GRPEL2: variants seen among roughly 807,000 people sequenced by gnomAD.
GRPEL2 encodes the protein grpE protein homolog 2, mitochondrial.
In GRPEL2, 18 loss-of-function variants were observed where a neutral mutation model predicts 25.9. The ratio of observed to expected loss-of-function variants is 0.70; its 90% CI spans 0.48 to 1.03. The LOEUF is 1.03. GRPEL2 is among the 50% of genes least tolerant of loss of function. The pLI is 0.00. For missense variants in GRPEL2, 247 were observed against 276.2 expected (o/e 0.89, Z 0.75); for synonymous variants, 106 against 107.9 (o/e 0.98, Z 0.11).
At position 149,351,303 on chromosome 5, in the gene GRPEL2, T is replaced by C; in HGVS notation, c.*21T>C. ...TGTGAAGAGGCCATCAGGAACTGGA[T>C]GTTCTCCCAGAGCGCAGTCACCTAT... On this transcript the variant is annotated 3_prime_UTR_variant, in exon 4 of 4. Transcript: ENST00000329271. 1 of 1,589,662 alleles carries C rather than the reference T, an allele frequency of 6.3e-7. No individual in the cohort carries two copies. Among genetic ancestry groups the C allele is most frequent in the Non-Finnish European group, 8.6e-7 (1 of 1,165,184 alleles).
intron 1 of GRPEL2, 57 bp downstream of exon 1, chr5:149,345,673 A>T (rs1581356315): frequency 7.6e-6 from 11 of 1,449,296 alleles, no homozygotes; most frequent in South Asian, 1.2e-5. Context: ...CTAGCGAGCC[A>T]GCCGGGGTGG....
At position 149,351,498 on chromosome 5, in the gene GRPEL2, G is replaced by A. The variant is rs966053711; in HGVS notation, c.*216G>A. 1.1e-5 allele frequency: 5 copies of A among 476,088 alleles called. No individual in the cohort carries two copies. Among genetic ancestry groups the A allele is most frequent in the Non-Finnish European group, 1.5e-5 (4 of 271,286 alleles). The allele number at this position is 476,088 out of a possible 1,614,324, so 29.5% of individuals were successfully genotyped here. On this transcript the variant is annotated 3_prime_UTR_variant, in exon 4 of 4. Coordinates refer to ENST00000329271, the MANE Select transcript of GRPEL2 (RefSeq NM_152407.4). ...TGGGCATTTGAACAGTGTGACAGGT[G>A]TTCCAATGGCCTTTATCAAAACATG...
rs1367774110 is a variant in GRPEL2, at chr5:149,351,984, C to G, written c.*702C>G. The G allele has an allele frequency of 1.3e-5, 2 of 152,204 alleles. No individual in the cohort carries two copies. The highest frequency in any genetic ancestry group is 4.8e-5 in the African/African-American group (2 of 41,452). The allele number at this position is 152,204 out of a possible 1,614,324, so 9.4% of individuals were successfully genotyped here. A position where few individuals can be genotyped will look rare whatever the true frequency, so the allele number is the denominator to read the frequency against. ...GCCAAAAAGCCTTGTGCTGTCTTTG[C>G]TCTTCAAATTATTTTCAGCCTCCTT... On this transcript the variant is annotated 3_prime_UTR_variant, in exon 4 of 4. Coordinates refer to ENST00000329271, the MANE Select transcript of GRPEL2 (RefSeq NM_152407.4).
chr5:149,350,388 G>A (rs1009439369), intron 3 of GRPEL2, among the ~76,000 whole-genome samples: 2 of 152,212 alleles, frequency 1.3e-5, no homozygotes, highest in African/African-American at 2.4e-5. Context: ...ATCTATGGCT[G>A]TGTCTTACTT....
At chr5:149,350,777 A>T in intron 3 of GRPEL2, 141 bp from the exon 4 acceptor site, 4 of 802,644 alleles carry the variant, frequency 5.0e-6, no homozygotes, top group Non-Finnish European at 8.1e-6. Flanking sequence ...ATCAGTGATG[A>T]TCTCTGAGTC....
At position 149,354,363 on chromosome 5, in the gene GRPEL2, ACTTTT is replaced by A. The variant is rs1016928116; in HGVS notation, c.*3085_*3089del. ...CTTGGACTGTACAAATGTTTTACTG[ACTTTT>A]CTTACTGCTGTAAAGGAATCAGGCA... On this transcript the variant is annotated 3_prime_UTR_variant, in exon 4 of 4. Coordinates refer to ENST00000329271, the MANE Select transcript of GRPEL2 (RefSeq NM_152407.4). 3.9e-5 allele frequency: 6 copies of A among 152,210 alleles called. No homozygotes were observed. The highest frequency in any genetic ancestry group is 8.8e-5 in the Non-Finnish European group (6 of 68,044). 9.4% of individuals were successfully genotyped at this position (152,210 alleles called of 1,614,324 possible).
chr5:149,348,090 A>T (rs1328328121), intron 1 of GRPEL2, 182 bp from the exon 2 acceptor site: 1 of 533,760 alleles, frequency 1.9e-6, no homozygotes, highest in African/African-American at 1.9e-5. Flanking sequence ...AGAGGAAAAG[A>T]TGACTCAAGT....
Position 149,352,418 on chromosome 5 carries a change from C to T in GRPEL2, c.*1136C>T, listed in dbSNP as rs1348068140. ...AGTAGCTAGGACTACAGGCGTTCACCACTGCGCCCGCAAAGTTTTTTTGTT... is the reference window on the plus strand; with the variant it reads ...AGTAGCTAGGACTACAGGCGTTCACTACTGCGCCCGCAAAGTTTTTTTGTT... On this transcript the variant is annotated 3_prime_UTR_variant, in exon 4 of 4. Transcript: ENST00000329271. 1 of 151,634 alleles carries T rather than the reference C, an allele frequency of 6.6e-6. No individual in the cohort carries two copies. The highest frequency in any genetic ancestry group is 2.4e-5 in the African/African-American group (1 of 41,342). The allele number at this position is 151,634 out of a possible 1,614,324, so 9.4% of individuals were successfully genotyped here.
At chr5:149,350,512 C>T (rs6859005) in intron 3 of GRPEL2, among the ~76,000 whole-genome samples, 212 of 152,278 alleles carry the variant, frequency 1.4e-3, no homozygotes, top group African/African-American at 5.0e-3. Context: ...ATATTAATGT[C>T]TTGTCCCTGT....
Position 149,352,233 on chromosome 5 carries a change from A to T in GRPEL2, c.*951A>T, listed in dbSNP as rs1561695831. 6.6e-6 allele frequency: 1 copy of T among 151,130 alleles called. No homozygotes were observed. Among genetic ancestry groups the T allele is most frequent in the African/African-American group, 2.4e-5 (1 of 41,130 alleles). The allele number at this position is 151,130 out of a possible 1,614,324, so 9.4% of individuals were successfully genotyped here. On this transcript the variant is annotated 3_prime_UTR_variant, in exon 4 of 4. Coordinates refer to ENST00000329271, the MANE Select transcript of GRPEL2 (RefSeq NM_152407.4). ...TTCATTTATTAATAGTTAATGCTGA[A>T]TTTTTTTTTAAGTTTCCTCTGGCTC...
Position 149,348,357 on chromosome 5 carries a change from C to G in GRPEL2, c.163C>G (p.Pro55Ala), listed in dbSNP as rs775536256. 2.9e-5 allele frequency: 47 copies of G among 1,613,374 alleles called. No homozygotes were observed. In the Middle Eastern group the frequency reaches 1.6e-3, roughly 54 times the overall value. ...TGAGGACCCTCCTGATGAGCTTGGG[C>G]CCCCTCTTGCTGAACGAGCCTTAAG... The part of the protein sequence containing the change: ...RSEDPPDELG[P>A]PLAERALRVK... Residue 55 changes from proline to alanine, a missense_variant, in exon 2 of 4, where the codon CCC becomes GCC. Transcript: ENST00000329271.
chr5:149,349,851 C>A (rs1392345760), intron 3 of GRPEL2, 116 bp downstream of exon 3: 6 of 725,100 alleles, frequency 8.3e-6, no homozygotes, highest in Non-Finnish European at 9.5e-6. Flanking sequence ...GGATTCAAGA[C>A]CAGTCTGGCC....
intron 1 of GRPEL2, chr5:149,345,872 T>C: frequency 5.5e-6 from 3 of 540,864 alleles, no homozygotes; most frequent in Non-Finnish European, 9.9e-6. Context: ...GAGAAGTCTC[T>C]TAAGCCCCCA....
rs199701997 is a variant in GRPEL2 at position 149,345,506 on chromosome 5, G to A, written c.-34G>A. 6.9e-6 allele frequency: 11 copies of A among 1,589,646 alleles called. No individual in the cohort carries two copies. The highest frequency in any genetic ancestry group is 1.1e-5 in the South Asian group (1 of 87,956). On this transcript the variant is annotated 5_prime_UTR_variant, in exon 1 of 4. Transcript: ENST00000329271. ...GAGCATCTCTTCACTCGCAGCAAGT[G>A]CGCGTGCGCTGCCTCTCAGCCCAAA...
Position 149,351,276 on chromosome 5 carries a change from A to G in GRPEL2, c.672A>G (p.Arg224=). 1 of 1,606,024 alleles carries G rather than the reference A, an allele frequency of 6.2e-7. No homozygotes were observed. Among genetic ancestry groups the G allele is most frequent in the Non-Finnish European group, 8.5e-7 (1 of 1,174,004 alleles). Residue 224 remains arginine, a synonymous_variant, in exon 4 of 4, where the codon AGA becomes AGG. Coordinates refer to ENST00000329271, the MANE Select transcript of GRPEL2 (RefSeq NM_152407.4). The stretch of plus-strand genomic sequence containing the variant: ...AAGTGGCAGTGGAGTCTCAGAGAAG[A>G]CTGTGAAGAGGCCATCAGGAACTGG... The part of the protein sequence containing the change: ...RVEVAVESQR[R]L
rs1234001909 is a variant in GRPEL2 at position 149,352,650 on chromosome 5, TAATG to T, written c.*1374_*1377del. 5 of 152,142 alleles carry T rather than the reference TAATG, an allele frequency of 3.3e-5. No individual in the cohort carries two copies. Among genetic ancestry groups the T allele is most frequent in the African/African-American group, 1.2e-4 (5 of 41,418 alleles). The allele number at this position is 152,142 out of a possible 1,614,324, so 9.4% of individuals were successfully genotyped here. On this transcript the variant is annotated 3_prime_UTR_variant, in exon 4 of 4. Transcript: ENST00000329271. ...TAAAAGATTTGTCCAATAAACGACTTAATGAATGATACATCAGTCAGATTTTAGG... is the reference window on the plus strand; with the variant it reads ...TAAAAGATTTGTCCAATAAACGACTTAATGATACATCAGTCAGATTTTAGG...
At chr5:149,350,849 A>G in intron 3 of GRPEL2, 69 bp from the exon 4 acceptor site, 1 of 1,547,606 alleles carries the variant, frequency 6.5e-7, no homozygotes, top group Non-Finnish European at 8.8e-7. Flanking sequence ...TCTAGGCCTT[A>G]CCCAAACTCT....
At chr5:149,347,873 G>A (rs1757714256) in intron 1 of GRPEL2, among the ~76,000 whole-genome samples, 1 of 152,146 alleles carries the variant, frequency 6.6e-6, no homozygotes, top group African/African-American at 2.4e-5. Flanking sequence ...TGCTCCTCTG[G>A]TTCTGGGTAC....
chr5:149,346,598 G>A (rs2127609315), intron 1 of GRPEL2, among the ~76,000 whole-genome samples: 1 of 151,808 alleles, frequency 6.6e-6, no homozygotes, highest in East Asian at 1.9e-4. Context: ...GGTTCCTTCT[G>A]GTAAGCTGTC....
Sources: allele counts gnomAD v4.1 joint callset (sites outside exome capture counted in the v4.1 genomes callset), GRCh38; gene constraint gnomAD v4.1.1; transcripts MANE v1.5; gene names NCBI Gene and HGNC (gene_info 2026-07-23, HGNC 2026-07-21).